Variants in LMCD1 observed in about 807,000 individuals in gnomAD.
LMCD1 encodes the protein LIM and cysteine-rich domains protein 1.
Under a neutral mutation model 42.7 loss-of-function variants are expected in LMCD1, and 32 were observed. The observed-to-expected ratio is 0.75, with a 90% CI of 0.57 to 1.01. The LOEUF (loss-of-function observed/expected upper bound fraction) is 1.01. LMCD1 is among the 50% of genes least tolerant of loss of function. The pLI is 0.00. For synonymous variants in LMCD1, 178 were observed against 184.9 expected, an observed-to-expected ratio of 0.96 and a Z score of 0.30; for missense variants, 458 against 483.1, an observed-to-expected ratio of 0.95 and a Z score of 0.49.
chr3:8,541,269 G>C (rs968730226), intron 3 of LMCD1, among the ~76,000 whole-genome samples: 1 of 152,170 alleles, frequency 6.6e-6, no homozygotes, highest in Non-Finnish European at 1.5e-5. Flanking sequence ...TCCTCAGGGG[G>C]CCAGGTGCAG....
Position 8,537,408 on chromosome 3 carries a change from G to C in LMCD1, c.355G>C (p.Glu119Gln). The C allele has an allele frequency of 6.2e-7, 1 of 1,606,452 alleles. No individual in the cohort carries two copies. The highest frequency in any genetic ancestry group is 8.5e-7 in the Non-Finnish European group (1 of 1,174,316). The change falls in exon 3 of 6, where the codon GAG (glutamate) becomes CAG (glutamine). Residue 119 changes from glutamate to glutamine, a missense_variant. Transcript: ENST00000157600. ...TCCCACTTTTGACACCATCACCTAC[G>C]AGTGGGCTCCCCCTGGAGTCACCCA... ...KDPTFDTITY[E>Q]WAPPGVTQKL...
At chr3:8,516,158 C>T (rs1694093628) in intron 1 of LMCD1, among the ~76,000 whole-genome samples, 1 of 152,118 alleles carries the variant, frequency 6.6e-6, no homozygotes, top group African/African-American at 2.4e-5. Flanking sequence ...ATCTGAACCT[C>T]GAGGCCCTCT....
chr3:8,551,855 A>C (rs943926003), intron 4 of LMCD1, among the ~76,000 whole-genome samples: 18 of 152,206 alleles, frequency 1.2e-4, no homozygotes, highest in African/African-American at 4.3e-4. Flanking sequence ...AGCATAGAAC[A>C]ATTACCAGAG....
At chr3:8,535,162 T>C (rs550660357) in intron 2 of LMCD1, among the ~76,000 whole-genome samples, 1 of 152,276 alleles carries the variant, frequency 6.6e-6, no homozygotes, top group African/African-American at 2.4e-5. Flanking sequence ...TCCTTCCACT[T>C]CCAGCCCTGC....
intron 1 of LMCD1, among the ~76,000 whole-genome samples, chr3:8,525,424 G>A (rs1317784682): frequency 6.6e-6 from 1 of 152,132 alleles, no homozygotes; most frequent in African/African-American, 2.4e-5. Flanking sequence ...TTGTGTGTGT[G>A]TACGTGGGTG....
At chr3:8,529,241 A>T (rs969396734) in intron 1 of LMCD1, among the ~76,000 whole-genome samples, 2 of 152,198 alleles carry the variant, frequency 1.3e-5, no homozygotes, top group Admixed American at 1.3e-4. Flanking sequence ...TTCTGGATGA[A>T]TGGCATGCAG....
chr3:8,545,212 G>C (rs1694711795), intron 3 of LMCD1, among the ~76,000 whole-genome samples: 1 of 152,080 alleles, frequency 6.6e-6, no homozygotes, highest in South Asian at 2.1e-4. Context: ...AGCGATTTTA[G>C]ACAAGGTTGA....
At position 8,532,766 on chromosome 3, in the gene LMCD1, A is replaced by C. The variant is rs747699585; in HGVS notation, c.72A>C (p.Arg24Ser). ...CCCTGGGCCAGCTGCAGTCAGCAAG[A>C]GGTGTGGCATGTTTGGGATGCAAGG... ...KMSLGQLQSA[R>S]GVACLGCKGT... The change falls in exon 2 of 6, where the codon AGA becomes AGC. Residue 24 changes from arginine (R) to serine (S), a missense_variant. Coordinates refer to ENST00000157600, the MANE Select transcript of LMCD1 (RefSeq NM_014583.4). The C allele has an allele frequency of 3.1e-6, 5 of 1,613,284 alleles. No individual in the cohort carries two copies. Among genetic ancestry groups the C allele is most frequent in the Non-Finnish European group, 4.2e-6 (5 of 1,179,676 alleles).
intron 4 of LMCD1, chr3:8,549,906 T>A: frequency 1.3e-6 from 1 of 784,594 alleles, no homozygotes; most frequent in Non-Finnish European, 2.2e-6. Flanking sequence ...AACCCATTAA[T>A]CTATTAAGCC....
intron 3 of LMCD1, among the ~76,000 whole-genome samples, chr3:8,545,831 G>A (rs868345142): frequency 3.3e-5 from 5 of 152,180 alleles, no homozygotes; most frequent in Admixed American, 6.5e-5. Context: ...AAAGAGAAAA[G>A]CCACAGATAG....
In LMCD1 at chr3:8,559,354, G is replaced by A. The variant is rs534786898; in HGVS notation, c.724-6078G>A. Among the ~76,000 whole-genome samples, 9 of 152,244 alleles carry A rather than the reference G, an allele frequency of 5.9e-5. No individual in the cohort carries two copies. The East Asian group carries it at 1.2e-3, about 20-fold the overall frequency. On this transcript the variant is annotated intron_variant, in intron 4 of 5. Transcript: ENST00000157600. ...AGGTGGGCAGAGTTAAGGAATACAC[G>A]AGATTTTAGCAAATCATTATTGAGC...
At chr3:8,517,119 C>T (rs996700783) in intron 1 of LMCD1, among the ~76,000 whole-genome samples, 26 of 152,198 alleles carry the variant, frequency 1.7e-4, no homozygotes, top group African/African-American at 6.0e-4. Context: ...ATAGCTCTTC[C>T]TTTTCCTTCT....
At chr3:8,514,302 C>A (rs73127946) in intron 1 of LMCD1, among the ~76,000 whole-genome samples, 4,354 of 152,042 alleles carry the variant, frequency 0.029, 220 homozygotes, top group African/African-American at 0.099. Context: ...GAAAAACAAA[C>A]GCACAATGAG....
At chr3:8,543,378 TGATAGATAGATAGATAGATGATA>T (rs1402922533) in intron 3 of LMCD1, among the ~76,000 whole-genome samples, 6,220 of 91,358 alleles carry the variant, frequency 0.068, 159 homozygotes, top group African/African-American at 0.085. Context: ...TTTAAACTGC[TGATAGATAGATAGATAGATGATA>T]GATAGATAGA....
chr3:8,539,797 TA>T lies in LMCD1; in HGVS notation c.387+2358del, dbSNP rs1436265008. 5.0e-3 allele frequency among the ~76,000 whole-genome samples: 378 copies of T among 75,478 alleles called. 2 individuals carry two copies. The highest frequency in any genetic ancestry group is 0.018 in the African/African-American group (304 of 16,788). 49.5% of individuals were successfully genotyped at this position (75,478 alleles called of 152,430 possible). On this transcript the variant is annotated intron_variant, in intron 3 of 5. Coordinates refer to ENST00000157600, the MANE Select transcript of LMCD1 (RefSeq NM_014583.4). ...TTCCCACTCACCTTCCCAACATTTT[TA>T]TTATTATTATTATTATTATTATTAT...
intron 1 of LMCD1, among the ~76,000 whole-genome samples, chr3:8,512,368 A>G (rs1276282802): frequency 6.6e-6 from 1 of 152,200 alleles, no homozygotes; most frequent in African/African-American, 2.4e-5. Context: ...TGAAACACAT[A>G]TGGCTTGGAT....
intron 1 of LMCD1, among the ~76,000 whole-genome samples, chr3:8,522,336 C>G (rs1425423052): frequency 2.0e-5 from 3 of 152,178 alleles, no homozygotes; most frequent in African/African-American, 7.2e-5. Flanking sequence ...GGCTTGGAGA[C>G]TGCAGCGGGG....
intron 1 of LMCD1, among the ~76,000 whole-genome samples, chr3:8,517,844 A>T (rs184301111): frequency 1.9e-3 from 285 of 152,334 alleles, no homozygotes; most frequent in Non-Finnish European, 3.1e-3. Flanking sequence ...TTTTCAAGAA[A>T]TATGTTTTTA....
chr3:8,532,542 C>G (rs1694431838), intron 1 of LMCD1, among the ~76,000 whole-genome samples, 195 bp from the exon 2 acceptor site: 1 of 152,170 alleles, frequency 6.6e-6, no homozygotes, highest in Non-Finnish European at 1.5e-5. Flanking sequence ...CCACAATTGC[C>G]TACCCTCTGG....
Sources: allele counts gnomAD v4.1 joint callset (sites outside exome capture counted in the v4.1 genomes callset), GRCh38; gene constraint gnomAD v4.1.1; transcripts MANE v1.5; gene names NCBI Gene and HGNC (gene_info 2026-07-23, HGNC 2026-07-21).